The following LMF1 variants were observed in gnomAD, a reference collection of about 807,000 sequenced individuals.
LMF1 encodes lipase maturation factor 1.
A neutral mutation model predicts 60.6 loss-of-function variants in LMF1; 68 were observed. The ratio of observed to expected loss-of-function variants is 1.12; its 90% CI spans 0.92 to 1.37. The LOEUF is 1.37. Ranked by LOEUF, LMF1 falls within the 40% of genes most tolerant of loss-of-function variation. The pLI is 0.00. For missense variants in LMF1, 948 were observed against 767.2 expected, an observed-to-expected ratio of 1.24 and a Z score of -2.78; for synonymous variants, 418 against 324.7, an observed-to-expected ratio of 1.29 and a Z score of -3.09.
intron 3 of LMF1, among the ~76,000 whole-genome samples, chr16:914,636 A>G (rs2071224461): frequency 1.3e-3 from 2 of 1,548 alleles, no homozygotes; most frequent in Admixed American, 0.013. Flanking sequence ...TTGGTGACAC[A>G]CTCCCTCCCT....
At chr16:943,689 T>C (rs565529953) in intron 2 of LMF1, among the ~76,000 whole-genome samples, 1 of 130,128 alleles carries the variant, frequency 7.7e-6, no homozygotes, top group South Asian at 2.5e-4. Context: ...ATCTCACCAC[T>C]GCACTCCAGC....
intron 4 of LMF1, 77 bp from the exon 5 acceptor site, chr16:893,149 G>A: frequency 2.3e-6 from 3 of 1,296,702 alleles, no homozygotes. Flanking sequence ...CAGCTTCCCA[G>A]GAAGACGAAC....
At position 912,361 on chromosome 16, in the gene LMF1, C is replaced by A. The variant is rs150461749; in HGVS notation, c.515-1282G>T. Among the ~76,000 whole-genome samples the A allele has an allele frequency of 3.0e-4, 46 of 152,168 alleles. No individual in the cohort carries two copies. The Middle Eastern group carries it at 0.017, about 56-fold the overall frequency. ...CAGAGGGGAAGCAGACGGAGGCTCG[C>A]GGGGAGCTTCCTCCAACCATTGGTG... On this transcript the variant is annotated intron_variant, in intron 3 of 10. Transcript: ENST00000262301.
Position 875,240 on chromosome 16 carries a change from C to T in LMF1, c.898-3899G>A, listed in dbSNP as rs193047705. On this transcript the variant is annotated intron_variant, in intron 6 of 10. Transcript: ENST00000262301. ...CCTCCCCTTTCAGCATCCCCACTGT[C>T]CACCGCCACTCACCCCACCAGGCAG... Among the ~76,000 whole-genome samples, 715 of 152,212 alleles carry T rather than the reference C, an allele frequency of 4.7e-3. 1 individual carries two copies. Among genetic ancestry groups the T allele is most frequent in the Middle Eastern group, 0.02 (6 of 294 alleles).
intron 4 of LMF1, chr16:901,682 C>T (rs76338497): frequency 0.062 from 9,431 of 152,314 alleles, 338 homozygotes; most frequent in Non-Finnish European, 0.082. Flanking sequence ...GCCGTCTGTG[C>T]GTGCAGCCCC....
chr16:953,991 CAA>C lies in LMF1; in HGVS notation c.503+364_503+365del, dbSNP rs1468134683. ...CTCCTACATGTCCACACAGACACCC[CAA>C]ACCAGCCTCCTACACGTCCACACAG... On this transcript the variant is annotated intron_variant, in intron 2 of 10. Coordinates refer to ENST00000262301, the MANE Select transcript of LMF1 (RefSeq NM_022773.4). Among the ~76,000 whole-genome samples the C allele has an allele frequency of 4.7e-4, 19 of 40,602 alleles. 3 individuals carry two copies. Among genetic ancestry groups the C allele is most frequent in the African/African-American group, 8.1e-4 (8 of 9,860 alleles). The allele number at this position is 40,602 out of a possible 152,430, so 26.6% of individuals were successfully genotyped here.
Position 932,188 on chromosome 16 carries a change from TTAGAG to T in LMF1, c.514+2051_514+2055del, listed in dbSNP as rs546275012. On this transcript the variant is annotated intron_variant, in intron 3 of 10. Coordinates refer to ENST00000262301, the MANE Select transcript of LMF1 (RefSeq NM_022773.4). ...CCCAGGCACTTCCCCCCCACCCTAC[TTAGAG>T]TAGAGCCTGTGTTCCCCAGGAGGCC... Among the ~76,000 whole-genome samples the T allele has an allele frequency of 9.1e-4, 139 of 152,072 alleles. 3 individuals carry two copies. The South Asian group carries it at 0.027, about 30-fold the overall frequency.
At chr16:979,345 C>T in intron 1 of LMF1, 3 of 353,734 alleles carry the variant, frequency 8.5e-6, no homozygotes, top group South Asian at 4.2e-5. Context: ...CGGGAGTGCA[C>T]CAACACGTCC....
At position 862,301 on chromosome 16, in the gene LMF1, G is replaced by A. The variant is rs1342050659; in HGVS notation, c.1529+6643C>T. ...TGGGATTATAGGCAGCCACCACCAT[G>A]CCCAGCTAATTTTTGTATTTTTAGC... On this transcript the variant is annotated intron_variant, in intron 10 of 10. Transcript: ENST00000262301. Among the ~76,000 whole-genome samples the A allele has an allele frequency of 2.6e-5, 4 of 151,594 alleles. No individual in the cohort carries two copies. The South Asian group carries it at 6.3e-4, about 24-fold the overall frequency.
At chr16:923,297 C>T (rs953981369) in intron 3 of LMF1, among the ~76,000 whole-genome samples, 1 of 152,148 alleles carries the variant, frequency 6.6e-6, no homozygotes, top group Non-Finnish European at 1.5e-5. Context: ...CTGTGGCCTA[C>T]GAGGGTCCCC....
At chr16:968,648 C>T (rs180781166) in intron 1 of LMF1, 4 of 152,356 alleles carry the variant, frequency 2.6e-5, no homozygotes, top group African/African-American at 7.2e-5. Context: ...CAGAAAAACA[C>T]TGATTCTACC....
At chr16:888,049 CGG>C (rs997730485) in intron 5 of LMF1, among the ~76,000 whole-genome samples, 1 of 152,232 alleles carries the variant, frequency 6.6e-6, no homozygotes, top group Non-Finnish European at 1.5e-5. Flanking sequence ...GTGCCCGTCA[CGG>C]GGCCTGTCTG....
intron 2 of LMF1, among the ~76,000 whole-genome samples, chr16:941,964 T>C (rs2072111579): frequency 6.6e-6 from 1 of 152,242 alleles, no homozygotes; most frequent in African/African-American, 2.4e-5. Flanking sequence ...CATTTCATAT[T>C]TCCCTACCTT....
chr16:939,692 G>C (rs111801210), intron 2 of LMF1, among the ~76,000 whole-genome samples: 1 of 152,240 alleles, frequency 6.6e-6, no homozygotes, highest in Admixed American at 6.5e-5. Flanking sequence ...AGACAACGTC[G>C]GCGAGATGGG....
intron 3 of LMF1, among the ~76,000 whole-genome samples, chr16:930,994 G>A (rs1257906229): frequency 2.6e-5 from 4 of 152,194 alleles, no homozygotes; most frequent in South Asian, 2.1e-4. Flanking sequence ...GGTGGCGGGC[G>A]CCTGTAATCC....
intron 3 of LMF1, among the ~76,000 whole-genome samples, chr16:922,340 A>G (rs899173220): frequency 6.6e-6 from 1 of 152,016 alleles, no homozygotes; most frequent in Non-Finnish European, 1.5e-5. Flanking sequence ...GTGAGCTCTC[A>G]CCCCCAGCCC....
chr16:920,711 G>A (rs1204701578), intron 3 of LMF1, among the ~76,000 whole-genome samples: 1 of 152,158 alleles, frequency 6.6e-6, no homozygotes. Flanking sequence ...ATCCAAATTT[G>A]GTAAAAAGTA....
chr16:981,161 C>A (rs75555675), exon 1 of LMF1: 25,208 of 453,312 alleles, frequency 0.056, 792 homozygotes, highest in Non-Finnish European at 0.067. Context: ...GTGCGCTGTC[C>A]GCAGACTCTG....
chr16:885,451 A>G (rs2070280434), intron 5 of LMF1, among the ~76,000 whole-genome samples: 1 of 152,194 alleles, frequency 6.6e-6, no homozygotes, highest in Admixed American at 6.5e-5. Context: ...GACTTGTCAG[A>G]CTGGATTTAA....
Sources: allele counts gnomAD v4.1 joint callset (sites outside exome capture counted in the v4.1 genomes callset), GRCh38; gene constraint gnomAD v4.1.1; transcripts MANE v1.5; gene names NCBI Gene and HGNC (gene_info 2026-07-23, HGNC 2026-07-21).